Variants in DLGAP2 observed in about 807,000 individuals in gnomAD.
DLGAP2 encodes the protein DLG associated protein 2, also known as disks large-associated protein 2.
Under a neutral mutation model 100.3 loss-of-function variants are expected in DLGAP2, and 26 were observed. The observed-to-expected ratio is 0.26, with a 90% CI of 0.19 to 0.36. DLGAP2 has a LOEUF of 0.36. Among genes scored for constraint, DLGAP2 ranks in the 10% least tolerant of loss-of-function variants. The probability of loss-of-function intolerance (pLI) is 1.00; values close to 1 mark genes in which losing one functional copy is unlikely to be tolerated. For missense variants in DLGAP2, 1,858 were observed against 1,453.2 expected (o/e 1.28, Z -4.53); for synonymous variants, 886 against 630.1 (o/e 1.41, Z -6.08).
At chr8:1,023,900 T>TGTGTGTGTGTGTGTGTGTGTGTGTG (rs1428174813) in intron 2 of DLGAP2, among the ~76,000 whole-genome samples, 14 of 146,854 alleles carry the variant, frequency 9.5e-5, no homozygotes, top group East Asian at 3.9e-4. Flanking sequence ...TGTGTGTGTG[T>TGTGTGTGTGTGTGTGTGTGTGTGTG]AGTTTGCTTC....
chr8:997,684 T>A (rs973268771), intron 2 of DLGAP2, among the ~76,000 whole-genome samples: 1 of 152,206 alleles, frequency 6.6e-6, no homozygotes, highest in African/African-American at 2.4e-5. Context: ...TAAACATAAT[T>A]CTTTAAAAGC....
intron 10 of DLGAP2, among the ~76,000 whole-genome samples, chr8:1,672,902 A>G (rs1372486565): frequency 6.6e-6 from 1 of 152,036 alleles, no homozygotes. Context: ...TGGGAGAGCA[A>G]AGATTACAGA....
chr8:1,565,638 C>T (rs567377471), intron 5 of DLGAP2, 45 bp from the exon 6 acceptor site: 2 of 1,519,692 alleles, frequency 1.3e-6, no homozygotes, highest in East Asian at 2.4e-5. Context: ...TGCTGCCGTT[C>T]TCAGTGACAA....
At chr8:1,181,180 G>A (rs1255457816) in intron 2 of DLGAP2, among the ~76,000 whole-genome samples, 1 of 117,140 alleles carries the variant, frequency 8.5e-6, no homozygotes, top group African/African-American at 3.3e-5. Context: ...ACTGTCGAGT[G>A]TGGGTGGCTG....
At chr8:977,340 G>C (rs143572736) in intron 2 of DLGAP2, among the ~76,000 whole-genome samples, 2 of 152,308 alleles carry the variant, frequency 1.3e-5, no homozygotes, top group African/African-American at 4.8e-5. Flanking sequence ...AGCTGAGGTG[G>C]ACACATGCCT....
intron 3 of DLGAP2, chr8:1,381,256 T>C (rs1019956130): frequency 1.3e-5 from 2 of 152,272 alleles, no homozygotes; most frequent in Middle Eastern, 6.8e-3. Context: ...TGTGTGCCCA[T>C]GAAAACAAGA....
At chr8:1,488,507 C>T (rs892739895) in intron 3 of DLGAP2, among the ~76,000 whole-genome samples, 11 of 152,178 alleles carry the variant, frequency 7.2e-5, no homozygotes, top group African/African-American at 2.7e-4. Context: ...GTTTCATCTT[C>T]CCTTTATTTT....
At chr8:1,463,006 T>G (rs1470126923) in intron 3 of DLGAP2, among the ~76,000 whole-genome samples, 1 of 152,122 alleles carries the variant, frequency 6.6e-6, no homozygotes, top group Non-Finnish European at 1.5e-5. Context: ...CCCAGCACTT[T>G]GGGAGTCTGA....
Position 1,047,451 on chromosome 8 carries a change from C to T in DLGAP2, c.73+139485C>T, listed in dbSNP as rs117617363. Among the ~76,000 whole-genome samples the T allele has an allele frequency of 6.6e-5, 10 of 152,334 alleles. No individual in the cohort carries two copies. The East Asian group carries it at 1.9e-3, about 29-fold the overall frequency. ...TCCAAAATGCTCCAGTGAGCATTTCCTTTGAGCATTATGTTGGCAAAATAA... is the reference window on the plus strand; with the variant it reads ...TCCAAAATGCTCCAGTGAGCATTTCTTTTGAGCATTATGTTGGCAAAATAA... On this transcript the variant is annotated intron_variant, in intron 2 of 14. Coordinates refer to ENST00000637795, the MANE Select transcript of DLGAP2 (RefSeq NM_001346810.2).
chr8:1,031,705 AT>A (rs1465619452), intron 2 of DLGAP2, among the ~76,000 whole-genome samples: 1 of 152,248 alleles, frequency 6.6e-6, no homozygotes, highest in African/African-American at 2.4e-5. Flanking sequence ...TGGAAAAAAA[AT>A]AATGACCCCT....
chr8:1,332,852 C>T (rs1431831622), intron 3 of DLGAP2, among the ~76,000 whole-genome samples: 1 of 152,192 alleles, frequency 6.6e-6, no homozygotes, highest in Non-Finnish European at 1.5e-5. Flanking sequence ...ACGTGGGCTT[C>T]TTGCTGGGTG....
chr8:1,055,149 A>T (rs1407999871), intron 2 of DLGAP2, among the ~76,000 whole-genome samples: 1 of 152,240 alleles, frequency 6.6e-6, no homozygotes, highest in Non-Finnish European at 1.5e-5. Context: ...GGATGCTATC[A>T]GTGTGTGTTT....
At chr8:1,286,694 T>C (rs1453178539) in intron 3 of DLGAP2, among the ~76,000 whole-genome samples, 1 of 152,156 alleles carries the variant, frequency 6.6e-6, no homozygotes, top group Non-Finnish European at 1.5e-5. Context: ...CAGTAACATA[T>C]CTCCAAGGCA....
At chr8:1,181,430 G>A (rs1797385280) in intron 2 of DLGAP2, among the ~76,000 whole-genome samples, 1 of 152,160 alleles carries the variant, frequency 6.6e-6, no homozygotes, top group Non-Finnish European at 1.5e-5. Context: ...TTCCTGCAGG[G>A]CACGTGATCT....
Position 1,548,888 on chromosome 8 carries a change from C to T in DLGAP2, c.435C>T (p.Cys145=). The T allele has an allele frequency of 6.3e-7, 1 of 1,596,558 alleles. No individual in the cohort carries two copies. The highest frequency in any genetic ancestry group is 8.5e-7 in the Non-Finnish European group (1 of 1,178,012). The change falls in exon 5 of 15, where the codon TGC becomes TGT. Residue 145 remains cysteine (C), a synonymous_variant. Transcript: ENST00000637795. ...CSPRSSVHSE[C]VMMPVVLGDH... ...CGCGCAGCTCGGTGCACTCGGAGTG[C>T]GTGATGATGCCGGTGGTGCTGGGCG...
chr8:957,349 G>C (rs1165449624), intron 2 of DLGAP2, among the ~76,000 whole-genome samples: 5 of 152,216 alleles, frequency 3.3e-5, no homozygotes, highest in Non-Finnish European at 7.3e-5. Context: ...CCTGTGTGTG[G>C]AGTTCAGGTT....
chr8:1,362,177 G>A (rs1484921058), intron 3 of DLGAP2, among the ~76,000 whole-genome samples: 2 of 152,168 alleles, frequency 1.3e-5, no homozygotes, highest in Non-Finnish European at 2.9e-5. Flanking sequence ...GGCACTGGCA[G>A]GGGAGGGCAG....
chr8:1,441,443 A>G (rs1266165501), intron 3 of DLGAP2, among the ~76,000 whole-genome samples: 1 of 152,120 alleles, frequency 6.6e-6, no homozygotes, highest in Non-Finnish European at 1.5e-5. Context: ...TAATCACAGC[A>G]CTTTGGGAGG....
chr8:1,534,797 AGTGT>A (rs780587211), intron 4 of DLGAP2, among the ~76,000 whole-genome samples: 20 of 151,816 alleles, frequency 1.3e-4, no homozygotes, highest in Non-Finnish European at 2.5e-4. Flanking sequence ...TGTGAGTGTA[AGTGT>A]GTGTGCGCGT....
Sources: allele counts gnomAD v4.1 joint callset (sites outside exome capture counted in the v4.1 genomes callset), GRCh38; gene constraint gnomAD v4.1.1; transcripts MANE v1.5; gene names NCBI Gene and HGNC (gene_info 2026-07-23, HGNC 2026-07-21).